The following THSD7B variants were observed in gnomAD, a reference collection of about 807,000 sequenced individuals.
THSD7B encodes the protein thrombospondin type-1 domain-containing protein 7B.
Under a neutral mutation model 213.6 loss-of-function variants are expected in THSD7B, and 138 were observed. The ratio of observed to expected loss-of-function variants is 0.65; its 90% CI spans 0.56 to 0.74. The LOEUF (loss-of-function observed/expected upper bound fraction) is 0.74, where lower values mean the gene tolerates loss of function less well. THSD7B is among the 30% of genes least tolerant of loss of function. The probability of loss-of-function intolerance (pLI) is 0.00; values close to 1 mark genes in which losing one functional copy is unlikely to be tolerated. For synonymous variants in THSD7B, 742 were observed against 687.0 expected (o/e 1.08, Z -1.25); for missense variants, 1,931 against 1,991.5 (o/e 0.97, Z 0.58).
intron 1 of THSD7B, among the ~76,000 whole-genome samples, chr2:136,871,477 T>G: frequency 1.3e-5 from 2 of 150,292 alleles, no homozygotes; most frequent in African/African-American, 2.5e-5. Context: ...TTGAGGAGAG[T>G]TTGATGTCTC....
At chr2:137,614,331 G>GTTCAAGGT (rs1202144480) in intron 17 of THSD7B, among the ~76,000 whole-genome samples, 1 of 152,092 alleles carries the variant, frequency 6.6e-6, no homozygotes, top group African/African-American at 2.4e-5. Context: ...AAGGTTTAGA[G>GTTCAAGGT]TATATAAGTG....
chr2:136,979,419 C>T (rs1685538510), intron 2 of THSD7B, among the ~76,000 whole-genome samples: 1 of 152,156 alleles, frequency 6.6e-6, no homozygotes, highest in African/African-American at 2.4e-5. Flanking sequence ...CTGTCTCTTT[C>T]AGGTACCTCA....
chr2:137,676,550 C>A lies in THSD7B; in HGVS notation c.4766C>A (p.Thr1589Lys). The A allele has an allele frequency of 6.3e-7, 1 of 1,598,064 alleles. No homozygotes were observed. Among genetic ancestry groups the A allele is most frequent in the Non-Finnish European group, 8.5e-7 (1 of 1,172,932 alleles). ...VCKKPKPHQS[T>K]PPQQKPLTLA... ...AAGAAGCCAAAACCACATCAAAGCA[C>A]ACCTCCCCAACAGAAGCCTCTGACC... The change falls in exon 28 of 28, where the codon ACA becomes AAA. Residue 1589 changes from threonine to lysine, a missense_variant. Thr to Lys is a moderately conservative substitution (Grantham distance 78). Coordinates refer to ENST00000409968, the MANE Select transcript of THSD7B (RefSeq NM_001316349.2).
At chr2:137,359,399 G>A (rs1685203876) in intron 12 of THSD7B, among the ~76,000 whole-genome samples, 1 of 152,146 alleles carries the variant, frequency 6.6e-6, no homozygotes, top group Non-Finnish European at 1.5e-5. Context: ...GTTAAACTAG[G>A]CACAAAAGAG....
chr2:137,033,576 G>T (rs1686715398), intron 2 of THSD7B, among the ~76,000 whole-genome samples: 1 of 151,678 alleles, frequency 6.6e-6, no homozygotes, highest in Non-Finnish European at 1.5e-5. Context: ...TTGACTACTT[G>T]GAGTTTTTTT....
At chr2:137,641,294 C>G (rs1682933102) in intron 20 of THSD7B, among the ~76,000 whole-genome samples, 2 of 152,150 alleles carry the variant, frequency 1.3e-5, no homozygotes, top group African/African-American at 4.8e-5. Context: ...TTCACGTGCT[C>G]CCTCCTCTGT....
intron 12 of THSD7B, among the ~76,000 whole-genome samples, chr2:137,342,032 A>G (rs1448988394): frequency 1.3e-5 from 2 of 151,604 alleles, no homozygotes; most frequent in Non-Finnish European, 3.0e-5. Flanking sequence ...ATATGAAATG[A>G]CATTGACATT....
chr2:136,822,547 TGAAG>T (rs1189783971), intron 1 of THSD7B, among the ~76,000 whole-genome samples: 1 of 152,200 alleles, frequency 6.6e-6, no homozygotes, highest in Non-Finnish European at 1.5e-5. Flanking sequence ...ATTTTACAGA[TGAAG>T]GAAGGAGACT....
chr2:137,364,113 G>A (rs1028116765), intron 12 of THSD7B, among the ~76,000 whole-genome samples: 1 of 152,186 alleles, frequency 6.6e-6, no homozygotes, highest in East Asian at 1.9e-4. Context: ...ACATAATCCA[G>A]CATATAAACA....
At chr2:136,794,967 A>G (rs963238853) in intron 1 of THSD7B, among the ~76,000 whole-genome samples, 3 of 151,976 alleles carry the variant, frequency 2.0e-5, no homozygotes, top group East Asian at 3.9e-4. Flanking sequence ...TAGCATTACT[A>G]TAGCCATACC....
At chr2:137,023,528 CT>C (rs1686485483) in intron 2 of THSD7B, among the ~76,000 whole-genome samples, 1 of 152,114 alleles carries the variant, frequency 6.6e-6, no homozygotes, top group Admixed American at 6.6e-5. Flanking sequence ...CAGATTAAAG[CT>C]AAAATTAAAG....
chr2:137,518,789 A>G (rs552955857), intron 15 of THSD7B, among the ~76,000 whole-genome samples: 2 of 152,184 alleles, frequency 1.3e-5, no homozygotes, highest in African/African-American at 2.4e-5. Flanking sequence ...CAAAACTGAC[A>G]TGGCTACGGC....
chr2:137,046,467 C>G (rs148873378), intron 2 of THSD7B, among the ~76,000 whole-genome samples: 40 of 152,136 alleles, frequency 2.6e-4, no homozygotes, highest in African/African-American at 9.4e-4. Flanking sequence ...TGGTGGCTCA[C>G]GACTGTCATC....
chr2:137,260,867 A>C (rs1007924069), intron 10 of THSD7B, among the ~76,000 whole-genome samples: 3 of 152,238 alleles, frequency 2.0e-5, no homozygotes, highest in African/African-American at 7.2e-5. Flanking sequence ...TCAGAAGAAT[A>C]ATGTGTTTTA....
At chr2:137,376,528 G>C (rs778574968) in intron 12 of THSD7B, among the ~76,000 whole-genome samples, 1 of 152,066 alleles carries the variant, frequency 6.6e-6, no homozygotes, top group Non-Finnish European at 1.5e-5. Flanking sequence ...AAGAGATACA[G>C]GTGAAACTTA....
At chr2:137,511,699 T>C (rs1327388893) in intron 15 of THSD7B, among the ~76,000 whole-genome samples, 3 of 152,194 alleles carry the variant, frequency 2.0e-5, no homozygotes, top group African/African-American at 4.8e-5. Flanking sequence ...CCGAGCTGTT[T>C]GTTGGTTGGT....
chr2:137,508,624 C>T (rs1224479131), intron 15 of THSD7B, among the ~76,000 whole-genome samples: 1 of 150,870 alleles, frequency 6.6e-6, no homozygotes, highest in Non-Finnish European at 1.5e-5. Flanking sequence ...CTCCTGACCT[C>T]GTGATCTGCC....
intron 15 of THSD7B, among the ~76,000 whole-genome samples, chr2:137,560,618 G>A (rs1036997887): frequency 1.6e-4 from 25 of 152,184 alleles, no homozygotes; most frequent in African/African-American, 4.6e-4. Flanking sequence ...TGTAAATGAC[G>A]AGCTAATGGG....
intron 1 of THSD7B, among the ~76,000 whole-genome samples, chr2:136,849,154 G>C (rs1320046166): frequency 2.6e-5 from 4 of 152,054 alleles, no homozygotes; most frequent in Non-Finnish European, 5.9e-5. Context: ...GATACATCTG[G>C]TTTCTGATGC....
Sources: gnomAD v4.1 joint callset for allele counts (sites outside exome capture counted in the v4.1 genomes callset) on GRCh38, gnomAD v4.1.1 for gene constraint, MANE v1.5 for transcripts, NCBI Gene and HGNC (gene_info 2026-07-23, HGNC 2026-07-21) for gene names.